ABCB5: variants seen among roughly 807,000 people sequenced by gnomAD.
The protein encoded by ABCB5 is ATP-binding cassette sub-family B member 5.
A neutral mutation model predicts 144.2 loss-of-function variants in ABCB5; 155 were observed. That is an observed-to-expected ratio of 1.08 (90% CI 0.94 to 1.23). ABCB5 has a LOEUF of 1.23. Among genes scored for constraint, ABCB5 ranks in the 50% most tolerant of loss-of-function variants. The probability of loss-of-function intolerance (pLI) is 0.00; values close to 1 mark genes in which losing one functional copy is unlikely to be tolerated. For missense variants in ABCB5, 1,830 were observed against 1,520.8 expected (o/e 1.20, Z -3.38); for synonymous variants, 610 against 528.6 (o/e 1.15, Z -2.11).
At chr7:20,638,953 G>T (rs1286682716) in intron 5 of ABCB5, among the ~76,000 whole-genome samples, 1 of 151,856 alleles carries the variant, frequency 6.6e-6, no homozygotes, top group Non-Finnish European at 1.5e-5. Flanking sequence ...TTTCAAAGTG[G>T]CTACACCATT....
intron 20 of ABCB5, among the ~76,000 whole-genome samples, chr7:20,719,781 T>C (rs1210465860): frequency 6.6e-6 from 1 of 152,036 alleles, no homozygotes; most frequent in Non-Finnish European, 1.5e-5. Flanking sequence ...TGGGAGCCAG[T>C]TTTCTCCCTT....
chr7:20,720,710 C>T (rs994102255), intron 20 of ABCB5, among the ~76,000 whole-genome samples: 1 of 152,040 alleles, frequency 6.6e-6, no homozygotes, highest in African/African-American at 2.4e-5. Flanking sequence ...GTTTGGGAGG[C>T]CGAGACGGGC....
intron 19 of ABCB5, 39 bp from the exon 20 acceptor site, chr7:20,704,685 G>T: frequency 6.4e-7 from 1 of 1,551,176 alleles, no homozygotes; most frequent in South Asian, 1.2e-5. Context: ...TAAAAAAAAT[G>T]ATTTTTGACA....
intron 14 of ABCB5, among the ~76,000 whole-genome samples, chr7:20,674,480 A>T (rs188979108): frequency 1.3e-5 from 2 of 151,944 alleles, no homozygotes; most frequent in Non-Finnish European, 3.0e-5. Flanking sequence ...GAAATCTGTC[A>T]TCTTTATGTT....
chr7:20,715,234 T>C (rs1289313974), intron 20 of ABCB5, among the ~76,000 whole-genome samples: 2 of 152,040 alleles, frequency 1.3e-5, no homozygotes, highest in African/African-American at 4.8e-5. Context: ...TTAGCAGAAA[T>C]GGAGTTTCAC....
chr7:20,618,773 T>TTTTC (rs1783745287), intron 1 of ABCB5, among the ~76,000 whole-genome samples: 1 of 125,108 alleles, frequency 8.0e-6, no homozygotes, highest in East Asian at 2.3e-4. Flanking sequence ...TCTTTTTTTT[T>TTTTC]TTTTTTTTTT....
intron 20 of ABCB5, among the ~76,000 whole-genome samples, chr7:20,718,685 A>G (rs572260502): frequency 9.2e-5 from 14 of 152,274 alleles, no homozygotes; most frequent in African/African-American, 3.4e-4. Flanking sequence ...GTGAAAATTG[A>G]TGTAATCTTT....
At chr7:20,686,420 C>T (rs1373354206) in intron 16 of ABCB5, among the ~76,000 whole-genome samples, 5 of 152,170 alleles carry the variant, frequency 3.3e-5, no homozygotes, top group Non-Finnish European at 7.3e-5. Context: ...TTCCCATCTG[C>T]ACCTGAAGTC....
chr7:20,634,074 A>G (rs1784097498), intron 5 of ABCB5, among the ~76,000 whole-genome samples: 1 of 151,878 alleles, frequency 6.6e-6, no homozygotes, highest in Admixed American at 6.6e-5. Flanking sequence ...CTCTATGTCC[A>G]TATGTACACA....
chr7:20,715,046 TTTTA>T (rs1220983472), intron 20 of ABCB5, among the ~76,000 whole-genome samples: 1 of 152,138 alleles, frequency 6.6e-6, no homozygotes, highest in East Asian at 1.9e-4. Flanking sequence ...TTTCTACCCC[TTTTA>T]TTTATTTATT....
intron 26 of ABCB5, among the ~76,000 whole-genome samples, chr7:20,746,543 C>A (rs1438392913): frequency 6.6e-6 from 1 of 152,190 alleles, no homozygotes; most frequent in African/African-American, 2.4e-5. Context: ...TTACCCTGAG[C>A]ACTTAGTTAT....
At chr7:20,683,116 T>C (rs1785881158) in intron 15 of ABCB5, among the ~76,000 whole-genome samples, 1 of 152,054 alleles carries the variant, frequency 6.6e-6, no homozygotes, top group Non-Finnish European at 1.5e-5. Flanking sequence ...TTAGGAAATT[T>C]AGAAAGTTAT....
intron 14 of ABCB5, among the ~76,000 whole-genome samples, chr7:20,681,046 T>TCTCTCTCTCTC (rs1785792595): frequency 4.9e-5 from 1 of 20,412 alleles, no homozygotes; most frequent in African/African-American, 1.2e-4. Flanking sequence ...CTTTCTTTCT[T>TCTCTCTCTCTC]TCTCTCTCTC....
intron 24 of ABCB5, among the ~76,000 whole-genome samples, chr7:20,740,163 C>T (rs1782517646): frequency 6.6e-6 from 1 of 152,180 alleles, no homozygotes; most frequent in African/African-American, 2.4e-5. Flanking sequence ...TCGCTTGAAC[C>T]CGGGAGGCGG....
At chr7:20,695,439 G>C (rs967728142) in intron 16 of ABCB5, among the ~76,000 whole-genome samples, 1 of 151,350 alleles carries the variant, frequency 6.6e-6, no homozygotes, top group Non-Finnish European at 1.5e-5. Context: ...AAGCCCTTAC[G>C]TAAAACCTAA....
At position 20,723,021 on chromosome 7, in the gene ABCB5, A is replaced by T; in HGVS notation, c.2427A>T (p.Thr809=). 6.2e-7 allele frequency: 1 copy of T among 1,614,050 alleles called. No individual in the cohort carries two copies. The highest frequency in any genetic ancestry group is 1.1e-5 in the South Asian group (1 of 91,074). ...AIDIAQIQGA[T]GSRIGVLTQN... is the part of the protein sequence containing the mutation. The stretch of plus-strand genomic sequence containing the variant: ...CAAAATATGTCTGATTATAGGCAAC[A>T]GGTTCCAGGATTGGCGTCTTAACAC... The change falls in exon 21 of 28, where the codon ACA becomes ACT. Residue 809 remains threonine, a synonymous_variant. Coordinates refer to ENST00000404938, the MANE Select transcript of ABCB5 (RefSeq NM_001163941.2).
intron 14 of ABCB5, among the ~76,000 whole-genome samples, chr7:20,681,096 CTTTCTTTCTTTCTTTCTTTCTTTCTTTCT>C (rs1785808002): frequency 4.2e-5 from 1 of 24,088 alleles, no homozygotes; most frequent in African/African-American, 1.9e-4. Flanking sequence ...TTCTTTCTTT[CTTTCTTTCTTTCTTTCTTTCTTTCTTTCT>C]TTTTCTTTCT....
At chr7:20,674,206 C>T (rs970342276) in intron 14 of ABCB5, among the ~76,000 whole-genome samples, 1 of 151,864 alleles carries the variant, frequency 6.6e-6, no homozygotes, top group Non-Finnish European at 1.5e-5. Flanking sequence ...TCTCCATGCA[C>T]TACGGAGTTA....
intron 5 of ABCB5, among the ~76,000 whole-genome samples, chr7:20,633,238 T>C (rs931082097): frequency 6.6e-6 from 1 of 152,056 alleles, no homozygotes; most frequent in Admixed American, 6.6e-5. Flanking sequence ...GTTTTGTAAT[T>C]TTAGGTATTA....
Sources: allele counts gnomAD v4.1 joint callset (sites outside exome capture counted in the v4.1 genomes callset), GRCh38; gene constraint gnomAD v4.1.1; transcripts MANE v1.5; gene names NCBI Gene and HGNC (gene_info 2026-07-23, HGNC 2026-07-21).